Variants in NALCN observed in about 807,000 individuals in gnomAD.
NALCN encodes the protein sodium leak channel, non-selective, also known as sodium leak channel NALCN.
In NALCN, 111 loss-of-function variants were observed where a neutral mutation model predicts 225.3. The ratio of observed to expected loss-of-function variants is 0.49; its 90% CI spans 0.42 to 0.58. The LOEUF is 0.58. Ranked by LOEUF, NALCN falls within the 20% of genes least tolerant of loss-of-function variation. NALCN has a pLI of 0.00. For missense variants in NALCN, 1,378 were observed against 2,202.4 expected (o/e 0.63, Z 7.49); for synonymous variants, 764 against 769.0 (o/e 0.99, Z 0.11).
intron 17 of NALCN, among the ~76,000 whole-genome samples, chr13:101,125,513 C>A (rs1210970315): frequency 6.6e-6 from 1 of 152,020 alleles, no homozygotes; most frequent in Non-Finnish European, 1.5e-5. Context: ...ATATTAGTGA[C>A]CATAGGAGAT....
intron 17 of NALCN, among the ~76,000 whole-genome samples, chr13:101,139,664 C>T (rs1364546243): frequency 6.6e-6 from 1 of 151,676 alleles, no homozygotes; most frequent in Admixed American, 6.6e-5. Flanking sequence ...ACTAGGATTT[C>T]CAAAGGCAAT....
intron 18 of NALCN, among the ~76,000 whole-genome samples, chr13:101,118,949 A>G (rs1227264180): frequency 6.6e-6 from 1 of 152,194 alleles, no homozygotes; most frequent in Non-Finnish European, 1.5e-5. Context: ...TTCTGCCCAG[A>G]ATGCGGAGCT....
At chr13:101,083,296 A>G in intron 31 of NALCN, 98 bp from the exon 32 acceptor site, 2 of 1,015,008 alleles carry the variant, frequency 2.0e-6, no homozygotes, top group East Asian at 2.6e-5. Context: ...AACCCATTAC[A>G]TTTTTCTCCC....
chr13:101,330,258 CAG>C (rs1024764256), intron 7 of NALCN, among the ~76,000 whole-genome samples: 35 of 152,086 alleles, frequency 2.3e-4, no homozygotes, highest in African/African-American at 8.2e-4. Context: ...ATCCAGCGGT[CAG>C]AGAGTTTGGG....
chr13:101,101,281 C>CTTTTTTTTTTTTTTTTTTT (rs60948311), intron 26 of NALCN, among the ~76,000 whole-genome samples: 1 of 112,368 alleles, frequency 8.9e-6, no homozygotes, highest in East Asian at 2.5e-4. Context: ...ATTTTTTTTT[C>CTTTTTTTTTTTTTTTTTTT]TTTTTTTTTT....
At chr13:101,154,842 T>C (rs944278588) in intron 15 of NALCN, among the ~76,000 whole-genome samples, 8 of 152,360 alleles carry the variant, frequency 5.3e-5, no homozygotes, top group Admixed American at 4.6e-4. Context: ...AGATGAGTTA[T>C]ATTACTGGCA....
At chr13:101,305,910 T>C (rs966617724) in intron 7 of NALCN, among the ~76,000 whole-genome samples, 4 of 152,122 alleles carry the variant, frequency 2.6e-5, no homozygotes, top group Non-Finnish European at 5.9e-5. Context: ...ACATAAAATG[T>C]AGATTAAATG....
chr13:101,197,976 A>C (rs111548271), intron 13 of NALCN, among the ~76,000 whole-genome samples: 1 of 152,202 alleles, frequency 6.6e-6, no homozygotes, highest in Non-Finnish European at 1.5e-5. Flanking sequence ...AATGATTTTT[A>C]CCTAATGGAG....
chr13:101,370,686 T>C (rs374005252), intron 6 of NALCN, among the ~76,000 whole-genome samples: 11 of 152,294 alleles, frequency 7.2e-5, no homozygotes, highest in Admixed American at 4.6e-4. Flanking sequence ...ACACAATAAA[T>C]AGTGCAGGCA....
chr13:101,359,136 T>C (rs550473321), intron 6 of NALCN, among the ~76,000 whole-genome samples: 1 of 152,226 alleles, frequency 6.6e-6, no homozygotes, highest in East Asian at 1.9e-4. Context: ...ATGGCACATG[T>C]ATACCTAGGT....
chr13:101,164,816 G>A (rs1311068849), intron 15 of NALCN, among the ~76,000 whole-genome samples: 1 of 152,166 alleles, frequency 6.6e-6, no homozygotes, highest in Admixed American at 6.5e-5. Context: ...AGAAATAGCA[G>A]ATCAAATGCT....
intron 7 of NALCN, among the ~76,000 whole-genome samples, chr13:101,342,143 G>GGT (rs903554291): frequency 7.2e-5 from 11 of 152,198 alleles, no homozygotes; most frequent in African/African-American, 2.6e-4. Context: ...TTATAATACA[G>GGT]GTGTGTGTGT....
intron 15 of NALCN, among the ~76,000 whole-genome samples, chr13:101,164,752 G>A (rs1403440570): frequency 1.3e-5 from 2 of 152,096 alleles, no homozygotes; most frequent in African/African-American, 2.4e-5. Context: ...ATTATAAAAA[G>A]TCTAACATTT....
At chr13:101,167,848 A>C (rs1488397877) in intron 15 of NALCN, among the ~76,000 whole-genome samples, 1 of 149,386 alleles carries the variant, frequency 6.7e-6, no homozygotes, top group Non-Finnish European at 1.5e-5. Flanking sequence ...AAAAAAAACA[A>C]AAACAAAAAC....
At chr13:101,123,651 A>G (rs954225149) in intron 18 of NALCN, among the ~76,000 whole-genome samples, 1 of 152,240 alleles carries the variant, frequency 6.6e-6, no homozygotes, top group African/African-American at 2.4e-5. Context: ...TCTATGCATG[A>G]ACGTCAGCCA....
At chr13:101,164,959 G>A (rs930874929) in intron 15 of NALCN, among the ~76,000 whole-genome samples, 64 of 152,256 alleles carry the variant, frequency 4.2e-4, no homozygotes, top group African/African-American at 1.4e-3. Context: ...CAACAGATTT[G>A]AGTGAAATGC....
At chr13:101,181,877 T>C (rs1351293252) in intron 14 of NALCN, among the ~76,000 whole-genome samples, 1 of 152,182 alleles carries the variant, frequency 6.6e-6, no homozygotes, top group African/African-American at 2.4e-5. Flanking sequence ...CTCACGCCTG[T>C]AATCCCAGCA....
chr13:101,410,462 T>C (rs1566664051), intron 1 of NALCN, among the ~76,000 whole-genome samples: 2 of 152,310 alleles, frequency 1.3e-5, no homozygotes, highest in African/African-American at 2.4e-5. Flanking sequence ...ATTGTATGTA[T>C]ATACAGTATA....
intron 3 of NALCN, among the ~76,000 whole-genome samples, chr13:101,391,097 A>G (rs775931817): frequency 6.6e-6 from 1 of 152,166 alleles, no homozygotes; most frequent in Non-Finnish European, 1.5e-5. Context: ...AACAAAAATT[A>G]ATAAGTTAAT....
Sources: gnomAD v4.1 joint callset for allele counts (sites outside exome capture counted in the v4.1 genomes callset) on GRCh38, gnomAD v4.1.1 for gene constraint, MANE v1.5 for transcripts, NCBI Gene and HGNC (gene_info 2026-07-23, HGNC 2026-07-21) for gene names.